The following CSMD3 variants were observed in gnomAD, a reference collection of about 807,000 sequenced individuals.
CSMD3 encodes CUB and sushi domain-containing protein 3.
Under a neutral mutation model 435.2 loss-of-function variants are expected in CSMD3, and 177 were observed. The observed-to-expected ratio is 0.41, with a 90% CI of 0.36 to 0.46. The LOEUF (loss-of-function observed/expected upper bound fraction) is 0.46, where lower values mean the gene tolerates loss of function less well. Ranked by LOEUF, CSMD3 falls within the 20% of genes least tolerant of loss-of-function variation. The pLI, the probability that CSMD3 is intolerant of heterozygous loss-of-function variation, is 0.34. For missense variants in CSMD3, 4,265 were observed against 4,504.6 expected (o/e 0.95, Z 1.52); for synonymous variants, 1,656 against 1,520.5 (o/e 1.09, Z -2.07).
At chr8:112,796,052 T>A (rs1041071286) in intron 13 of CSMD3, among the ~76,000 whole-genome samples, 19 of 152,254 alleles carry the variant, frequency 1.2e-4, no homozygotes, top group African/African-American at 4.6e-4. Flanking sequence ...TGCCTATGTT[T>A]TATTTTGATG....
chr8:112,380,507 A>G (rs909735317), intron 37 of CSMD3, 51 bp from the exon 38 acceptor site: 2 of 927,068 alleles, frequency 2.2e-6, no homozygotes, highest in Non-Finnish European at 3.6e-6. Flanking sequence ...TAAGTACTAT[A>G]ATAAAATTAA....
At chr8:112,329,571 T>C (rs1330575882) in intron 45 of CSMD3, among the ~76,000 whole-genome samples, 1 of 152,116 alleles carries the variant, frequency 6.6e-6, no homozygotes, top group Non-Finnish European at 1.5e-5. Context: ...AAGCCTCTCC[T>C]GACACACTTT....
At chr8:113,396,163 T>C (rs913904618) in intron 1 of CSMD3, among the ~76,000 whole-genome samples, 40 of 152,314 alleles carry the variant, frequency 2.6e-4, no homozygotes, top group African/African-American at 9.4e-4. Flanking sequence ...ATGCACCTCA[T>C]AGTGCTCAGA....
chr8:112,719,681 G>C (rs975313853), intron 13 of CSMD3, among the ~76,000 whole-genome samples: 1 of 151,966 alleles, frequency 6.6e-6, no homozygotes, highest in African/African-American at 2.4e-5. Flanking sequence ...TGAATTTTAG[G>C]GGGGACACAA....
intron 11 of CSMD3, among the ~76,000 whole-genome samples, chr8:112,830,815 C>G (rs1368313780): frequency 8.0e-6 from 1 of 125,000 alleles, no homozygotes; most frequent in Non-Finnish European, 1.6e-5. Flanking sequence ...TAGATGGAGT[C>G]TTGCTCTGTC....
At chr8:112,769,270 C>T (rs750655432) in intron 13 of CSMD3, among the ~76,000 whole-genome samples, 1 of 151,806 alleles carries the variant, frequency 6.6e-6, no homozygotes, top group Non-Finnish European at 1.5e-5. Flanking sequence ...TGCTCAAAAC[C>T]CTCCAATGAC....
At chr8:112,920,103 T>A (rs1027342233) in intron 10 of CSMD3, among the ~76,000 whole-genome samples, 3 of 151,790 alleles carry the variant, frequency 2.0e-5, no homozygotes, top group Non-Finnish European at 4.4e-5. Context: ...TACGACATGA[T>A]GAGGTATTCA....
intron 40 of CSMD3, among the ~76,000 whole-genome samples, chr8:112,347,701 C>A (rs915380171): frequency 6.6e-6 from 1 of 152,136 alleles, no homozygotes; most frequent in Non-Finnish European, 1.5e-5. Flanking sequence ...AATCAATTTT[C>A]AATGAAGTTA....
At chr8:112,270,781 A>G (rs1420749541) in intron 59 of CSMD3, among the ~76,000 whole-genome samples, 1 of 152,170 alleles carries the variant, frequency 6.6e-6, no homozygotes, top group Admixed American at 6.6e-5. Flanking sequence ...CTGATTTGTC[A>G]TTACTCAGGA....
intron 1 of CSMD3, among the ~76,000 whole-genome samples, chr8:113,369,361 A>G (rs2094333229): frequency 6.6e-6 from 1 of 151,922 alleles, no homozygotes; most frequent in Non-Finnish European, 1.5e-5. Context: ...ATAAGATATG[A>G]CCTCACTCCT....
chr8:112,945,854 C>A (rs182251118), intron 9 of CSMD3, among the ~76,000 whole-genome samples: 3 of 151,706 alleles, frequency 2.0e-5, no homozygotes, highest in Admixed American at 2.0e-4. Flanking sequence ...CAAGCACTTT[C>A]TTTTCAGGCT....
chr8:113,069,075 A>G (rs1001621582), intron 5 of CSMD3, among the ~76,000 whole-genome samples: 1 of 151,954 alleles, frequency 6.6e-6, no homozygotes, highest in African/African-American at 2.4e-5. Context: ...ACGACAAACG[A>G]TTTTCTGATA....
chr8:113,427,693 G>C (rs2094644124), intron 1 of CSMD3, among the ~76,000 whole-genome samples: 1 of 151,446 alleles, frequency 6.6e-6, no homozygotes, highest in Non-Finnish European at 1.5e-5. Flanking sequence ...ATGGAACTTG[G>C]ATATGCATAT....
intron 32 of CSMD3, among the ~76,000 whole-genome samples, chr8:112,470,516 A>G (rs772101017): frequency 1.1e-4 from 17 of 152,258 alleles, no homozygotes; most frequent in South Asian, 6.2e-4. Context: ...GACTTGTCCA[A>G]TGAAAATAGC....
intron 3 of CSMD3, among the ~76,000 whole-genome samples, chr8:113,187,148 T>C (rs181451324): frequency 4.0e-4 from 60 of 151,566 alleles, no homozygotes; most frequent in Middle Eastern, 6.8e-3. Flanking sequence ...AGTTTTTTTT[T>C]TTCTTCTTCT....
At chr8:112,876,580 A>G (rs2081287914) in intron 10 of CSMD3, among the ~76,000 whole-genome samples, 1 of 152,132 alleles carries the variant, frequency 6.6e-6, no homozygotes, top group African/African-American at 2.4e-5. Context: ...AATGACAAAA[A>G]CCACATGATT....
chr8:112,259,334 A>AC (rs1563700428), intron 61 of CSMD3, among the ~76,000 whole-genome samples: 1 of 152,116 alleles, frequency 6.6e-6, no homozygotes, highest in Non-Finnish European at 1.5e-5. Context: ...GCAAACTAAC[A>AC]CAAGAACAGA....
intron 4 of CSMD3, among the ~76,000 whole-genome samples, chr8:113,125,759 T>C (rs1352929233): frequency 1.3e-5 from 2 of 151,908 alleles, no homozygotes; most frequent in Non-Finnish European, 2.9e-5. Flanking sequence ...TTGAAAATCA[T>C]TGGTGGCTTT....
chr8:112,764,665 A>G lies in CSMD3; in HGVS notation c.1972+35497T>C, dbSNP rs959979381. On this transcript the variant is annotated intron_variant, in intron 13 of 70. Coordinates refer to ENST00000297405, the MANE Select transcript of CSMD3 (RefSeq NM_198123.2). ...TTATTATATTGTTAAAAATTAGTCA[A>G]TATAACTTACTATATACATAGTAAG... is the stretch of plus-strand genomic sequence containing the variant. 4.0e-5 allele frequency among the ~76,000 whole-genome samples: 6 copies of G among 151,626 alleles called. No individual in the cohort carries two copies. In the East Asian group the frequency reaches 1.2e-3, roughly 29 times the overall value.
Sources: allele counts gnomAD v4.1 joint callset (sites outside exome capture counted in the v4.1 genomes callset), GRCh38; gene constraint gnomAD v4.1.1; transcripts MANE v1.5; gene names NCBI Gene and HGNC (gene_info 2026-07-23, HGNC 2026-07-21).